The following XIST variants were observed in gnomAD, a reference collection of about 807,000 sequenced individuals.
XIST encodes X inactive specific transcript (non-protein coding).
exon 1 of XIST, chrX:73,844,148 A>C: frequency 1.8e-6 from 1 of 558,849 alleles, no homozygotes; most frequent in Admixed American, 2.2e-5. Context: ...ACATAAATGC[A>C]ATTATGCATG....
chrX:73,831,314 A>G, intron 3 of XIST: 1 of 486,042 alleles, frequency 2.1e-6, no homozygotes. Flanking sequence ...AATGCAGTAC[A>G]CTGGGAAAGT....
At chrX:73,851,874 C>T (rs922409405) in exon 1 of XIST, 1 of 558,599 alleles carries the variant, frequency 1.8e-6, no homozygotes, top group Non-Finnish European at 3.2e-6. Flanking sequence ...ACTGCAGAGT[C>T]ATTCTCTGCC....
intron 2 of XIST, among the ~76,000 whole-genome samples, chrX:73,836,543 C>T (rs1338278395): frequency 9.0e-6 from 1 of 111,546 alleles, no homozygotes; most frequent in Non-Finnish European, 1.9e-5. Context: ...GGTATAAACA[C>T]ATTTAGTTTA....
At chrX:73,850,747 G>A (rs1922910456) in exon 1 of XIST, 3 of 208,958 alleles carry the variant, frequency 1.4e-5, no homozygotes, top group East Asian at 1.3e-4. Flanking sequence ...GGGGTGGGGA[G>A]TTGGGGGGGT....
intron 1 of XIST, among the ~76,000 whole-genome samples, chrX:73,837,956 G>A (rs1322248067): frequency 9.0e-6 from 1 of 111,175 alleles, no homozygotes; most frequent in Non-Finnish European, 1.9e-5. Flanking sequence ...CCAGGTATCC[G>A]TAATATCAAA....
At chrX:73,851,505 C>G (rs770701009) in exon 1 of XIST, 1 of 558,937 alleles carries the variant, frequency 1.8e-6, no homozygotes, top group South Asian at 2.2e-5. Flanking sequence ...TTTTGGACAA[C>G]CTAACAAAGC....
exon 6 of XIST, chrX:73,820,821 T>C (rs1303881705): frequency 7.2e-6 from 4 of 558,566 alleles, no homozygotes; most frequent in Admixed American, 2.2e-5. Context: ...GCATTTCACA[T>C]CAGTTCACAA....
At chrX:73,828,919 G>A in intron 5 of XIST, 1 of 412,041 alleles carries the variant, frequency 2.4e-6, no homozygotes, top group Admixed American at 4.1e-5. Flanking sequence ...AACCCAGTCA[G>A]TAATATGGAA....
chrX:73,849,501 A>G, exon 1 of XIST: 1 of 557,164 alleles, frequency 1.8e-6, no homozygotes, highest in East Asian at 3.3e-5. Context: ...TGACAGAGAA[A>G]TGGTTTCTCC....
At chrX:73,829,225 T>C in exon 5 of XIST, 1 of 555,264 alleles carries the variant, frequency 1.8e-6, no homozygotes, top group Non-Finnish European at 3.3e-6. Flanking sequence ...ATAGGAACAA[T>C]GAAGAGCTAT....
exon 1 of XIST, chrX:73,849,230 G>A (rs1425061186): frequency 1.8e-6 from 1 of 558,942 alleles, no homozygotes; most frequent in Admixed American, 2.2e-5. Flanking sequence ...TTCTCCAGAA[G>A]CACAGCAAAA....
chrX:73,851,015 G>T (rs1338390753), exon 1 of XIST: 5 of 558,009 alleles, frequency 9.0e-6, no homozygotes, highest in African/African-American at 6.7e-5. Context: ...AGACAGCTGC[G>T]AAGTGCCATG....
chrX:73,844,175 A>G (rs765450231), exon 1 of XIST: 1 of 558,647 alleles, frequency 1.8e-6, no homozygotes, highest in Non-Finnish European at 3.2e-6. Context: ...AGCCAAGAAA[A>G]GGGGACTTAG....
chrX:73,829,429 G>C (rs1195581124), intron 4 of XIST: 1 of 367,322 alleles, frequency 2.7e-6, no homozygotes, highest in Non-Finnish European at 4.8e-6. Context: ...ATGGGAAAAT[G>C]TCTTGCCAAA....
At chrX:73,849,707 G>C (rs755901262) in exon 1 of XIST, 3 of 557,883 alleles carry the variant, frequency 5.4e-6, no homozygotes, top group Admixed American at 4.4e-5. Context: ...GATCAGCAAT[G>C]CCAAGGGTAA....
chrX:73,824,056 TAAGG>T (rs1288020993), exon 6 of XIST: 7 of 555,137 alleles, frequency 1.3e-5, no homozygotes. Context: ...TTGTTATCTC[TAAGG>T]ATAAGAGTAA....
Position 73,851,132 on chromosome X carries a change from T to C in XIST, n.1592A>G, listed in dbSNP as rs767400150. The C allele has an allele frequency of 5.4e-6, 3 of 559,267 alleles. No individual in the cohort carries two copies. In the Admixed American group the frequency reaches 6.6e-5, roughly 12 times the overall value. The allele number at this position is 559,267 out of a possible 1,213,427, so 46.1% of individuals were successfully genotyped here. A position where few individuals can be genotyped will look rare whatever the true frequency, so the allele number is the denominator to read the frequency against. ...CAATTCCACCCCCATTTCTAATTGG[T>C]TGGGTTATGCAGCAATCCAGCACTG... On this transcript the variant is annotated non_coding_transcript_exon_variant, in exon 1 of 6. Coordinates refer to ENST00000429829, the Ensembl canonical transcript of XIST.
chrX:73,822,347 C>T (rs772515044), exon 6 of XIST: 6 of 547,291 alleles, frequency 1.1e-5, no homozygotes, highest in Admixed American at 6.9e-5. Flanking sequence ...AATTAAACCA[C>T]ACAATGTTAT....
At chrX:73,825,215 T>C (rs1261586487) in exon 6 of XIST, 1 of 558,790 alleles carries the variant, frequency 1.8e-6, no homozygotes, top group Non-Finnish European at 3.2e-6. Context: ...GTGTTTTCGT[T>C]TCTGATACCT....
Sources: allele counts gnomAD v4.1 joint callset (sites outside exome capture counted in the v4.1 genomes callset), GRCh38; gene constraint gnomAD v4.1.1; transcripts MANE v1.5; gene names NCBI Gene and HGNC (gene_info 2026-07-23, HGNC 2026-07-21).